The following THRB variants were observed in gnomAD, a reference collection of about 807,000 sequenced individuals.
THRB encodes the protein nuclear receptor subfamily 1 group A member 2.
Under a neutral mutation model 47.8 loss-of-function variants are expected in THRB, and 12 were observed. That is an observed-to-expected ratio of 0.25 (90% CI 0.16 to 0.41). The LOEUF is 0.41. Ranked by LOEUF, THRB falls within the 10% of genes least tolerant of loss-of-function variation. THRB has a pLI of 1.00. For synonymous variants in THRB, 218 were observed against 212.2 expected, an observed-to-expected ratio of 1.03 and a Z score of -0.24; for missense variants, 348 against 589.2, an observed-to-expected ratio of 0.59 and a Z score of 4.24.
intron 1 of THRB, among the ~76,000 whole-genome samples, chr3:24,476,135 T>G (rs991660740): frequency 5.3e-5 from 8 of 152,224 alleles, no homozygotes; most frequent in African/African-American, 1.9e-4. Context: ...TCCCTGGAAT[T>G]GTGTCTCAGC....
intron 4 of THRB, among the ~76,000 whole-genome samples, chr3:24,212,313 G>A (rs1292501077): frequency 8.5e-5 from 13 of 152,082 alleles, no homozygotes; most frequent in African/African-American, 3.1e-4. Flanking sequence ...CAGAAGAATC[G>A]CTTGAACCTG....
intron 3 of THRB, among the ~76,000 whole-genome samples, chr3:24,288,091 T>A (rs1176590803): frequency 6.6e-6 from 1 of 152,208 alleles, no homozygotes; most frequent in African/African-American, 2.4e-5. Context: ...CTCTAGGTTT[T>A]AAGAGCATCT....
At chr3:24,489,600 G>A (rs1298720451) in intron 1 of THRB, among the ~76,000 whole-genome samples, 1 of 152,164 alleles carries the variant, frequency 6.6e-6, no homozygotes, top group Non-Finnish European at 1.5e-5. Flanking sequence ...ATTTGGAAAA[G>A]ATCCTGAAGT....
rs78111713 is a variant in THRB at position 24,416,047 on chromosome 3, A to G, written c.-261+78605T>C. Among the ~76,000 whole-genome samples, 970 of 151,996 alleles carry G rather than the reference A, an allele frequency of 6.4e-3. 14 individuals carry two copies. The highest frequency in any genetic ancestry group is 0.046 in the East Asian group (235 of 5,112). Reference sequence around the variant, plus strand: ...AACTATTTCAGAAGAGTTGTTACATAATATAATTATGTTGTATATTCAAGA... The same window carrying G: ...AACTATTTCAGAAGAGTTGTTACATGATATAATTATGTTGTATATTCAAGA... On this transcript the variant is annotated intron_variant, in intron 1 of 10. Transcript: ENST00000646209.
At chr3:24,183,960 T>C (rs2042249253) in intron 5 of THRB, among the ~76,000 whole-genome samples, 2 of 152,226 alleles carry the variant, frequency 1.3e-5, no homozygotes, top group East Asian at 3.8e-4. Context: ...TTTTTGAATG[T>C]GGTTGCATAT....
chr3:24,122,882 G>A lies in THRB; in HGVS notation c.*2C>T, dbSNP rs762175401. On this transcript the variant is annotated 3_prime_UTR_variant, in exon 11 of 11. Transcript: ENST00000646209. Reference sequence around the variant, plus strand: ...GGAATTATGAGAATGAATCCAGTCAGTCTAATCCTCGAACACTTCCAAGAA... The same window carrying A: ...GGAATTATGAGAATGAATCCAGTCAATCTAATCCTCGAACACTTCCAAGAA... 2.5e-5 allele frequency: 41 copies of A among 1,614,064 alleles called. No homozygotes were observed. The highest frequency in any genetic ancestry group is 1.6e-4 in the Middle Eastern group (1 of 6,084).
intron 3 of THRB, among the ~76,000 whole-genome samples, chr3:24,247,921 A>T (rs530487263): frequency 8.6e-5 from 13 of 151,818 alleles, no homozygotes; most frequent in African/African-American, 2.7e-4. Context: ...TTTTTAATAT[A>T]TAAAGCACAG....
At chr3:24,204,011 G>T (rs144621314) in intron 4 of THRB, among the ~76,000 whole-genome samples, 2,502 of 152,360 alleles carry the variant, frequency 0.016, 59 homozygotes, top group East Asian at 0.058. Context: ...CAGCCGGGAA[G>T]CTCGAACTGG....
intron 10 of THRB, among the ~76,000 whole-genome samples, chr3:24,126,709 C>T (rs929359434): frequency 6.6e-6 from 1 of 152,162 alleles, no homozygotes; most frequent in African/African-American, 2.4e-5. Context: ...AATTATCTTC[C>T]CTGAAAGGGT....
chr3:24,316,198 A>G (rs1276346912), intron 2 of THRB, among the ~76,000 whole-genome samples: 3 of 152,202 alleles, frequency 2.0e-5, no homozygotes, highest in African/African-American at 7.2e-5. Context: ...AGCAATCTCA[A>G]TGGGCTACTA....
intron 3 of THRB, among the ~76,000 whole-genome samples, chr3:24,235,766 C>A (rs2048796340): frequency 6.6e-6 from 1 of 152,168 alleles, no homozygotes; most frequent in South Asian, 2.1e-4. Context: ...TCTCACCTAG[C>A]ATTGAGCAAA....
intron 4 of THRB, among the ~76,000 whole-genome samples, chr3:24,205,841 G>A (rs1471634045): frequency 6.6e-6 from 1 of 152,100 alleles, no homozygotes; most frequent in African/African-American, 2.4e-5. Flanking sequence ...AAAAGGCAGA[G>A]GTTGCAATCC....
At chr3:24,380,344 G>A (rs556932668) in intron 1 of THRB, among the ~76,000 whole-genome samples, 1 of 151,504 alleles carries the variant, frequency 6.6e-6, no homozygotes, top group African/African-American at 2.4e-5. Flanking sequence ...TTATAATTTG[G>A]TGCCTCCTTA....
chr3:24,359,588 T>C (rs143859666), intron 1 of THRB, among the ~76,000 whole-genome samples: 1 of 152,164 alleles, frequency 6.6e-6, no homozygotes. Flanking sequence ...TTCCTTCTAA[T>C]AGTAGAAAAC....
At chr3:24,289,533 T>A (rs2055703216) in intron 3 of THRB, among the ~76,000 whole-genome samples, 2 of 151,998 alleles carry the variant, frequency 1.3e-5, no homozygotes, top group Admixed American at 6.6e-5. Context: ...TCTATCAGTC[T>A]TTTCTTTTTT....
At chr3:24,460,254 T>C (rs908217959) in intron 1 of THRB, among the ~76,000 whole-genome samples, 2 of 152,060 alleles carry the variant, frequency 1.3e-5, no homozygotes, top group African/African-American at 4.8e-5. Flanking sequence ...AAGGTTATTA[T>C]TTTTTTTCTT....
rs115984147 is a variant in THRB, at chr3:24,355,019, T to C, written c.-260-17648A>G. On this transcript the variant is annotated intron_variant, in intron 1 of 10. Coordinates refer to ENST00000646209, the MANE Select transcript of THRB (RefSeq NM_001354712.2). ...TTTGTATGGTCTCAAGGTATTTAAT[T>C]TCACATAACATATATTAATTACAAA... Among the ~76,000 whole-genome samples the C allele has an allele frequency of 2.0e-3, 312 of 152,248 alleles. 1 individual carries two copies. Among genetic ancestry groups the C allele is most frequent in the African/African-American group, 6.8e-3 (283 of 41,564 alleles).
chr3:24,293,830 A>G (rs2056190348), intron 3 of THRB, among the ~76,000 whole-genome samples: 1 of 152,076 alleles, frequency 6.6e-6, no homozygotes, highest in Non-Finnish European at 1.5e-5. Context: ...TTTAGTTTAG[A>G]CTCACTGTTA....
intron 8 of THRB, among the ~76,000 whole-genome samples, chr3:24,137,081 T>A (rs2034778447): frequency 1.3e-5 from 2 of 152,222 alleles, no homozygotes; most frequent in African/African-American, 4.8e-5. Context: ...TGACTATGAG[T>A]CATATGGTAT....
Sources: allele counts gnomAD v4.1 joint callset (sites outside exome capture counted in the v4.1 genomes callset), GRCh38; gene constraint gnomAD v4.1.1; transcripts MANE v1.5; gene names NCBI Gene and HGNC (gene_info 2026-07-23, HGNC 2026-07-21).